Variants in FAAH2 observed in about 807,000 individuals in gnomAD.
The protein encoded by FAAH2 is fatty acid amide hydrolase 2.
A neutral mutation model predicts 36.9 loss-of-function variants in FAAH2; 60 were observed. That is an observed-to-expected ratio of 1.63 (90% CI 1.32 to 2.02). The LOEUF (loss-of-function observed/expected upper bound fraction) is 2.02. Among genes scored for constraint, FAAH2 ranks in the 30% most tolerant of loss-of-function variants. The pLI, the probability that FAAH2 is intolerant of heterozygous loss-of-function variation, is 0.00. For missense variants in FAAH2, 689 were observed against 397.5 expected (o/e 1.73, Z -6.23); for synonymous variants, 214 against 143.8 (o/e 1.49, Z -3.49).
At chrX:57,338,669 A>C (rs1388884765) in intron 4 of FAAH2, among the ~76,000 whole-genome samples, 4 of 111,339 alleles carry the variant, frequency 3.6e-5, no homozygotes, top group Admixed American at 1.9e-4. Flanking sequence ...AATTGCTACA[A>C]AAGAATACGA....
At chrX:57,250,166 C>A in the FAAH2 span, among the ~76,000 whole-genome samples, 50 of 112,016 alleles carry the variant, frequency 4.5e-4, no homozygotes, top group Middle Eastern at 4.6e-3. Context: ...TAATTGTGAG[C>A]AATTTATTGT....
At chrX:57,191,972 T>C in the FAAH2 span, among the ~76,000 whole-genome samples, 1 of 111,756 alleles carries the variant, frequency 8.9e-6, no homozygotes, top group Non-Finnish European at 1.9e-5. Flanking sequence ...TGTGGTTCCA[T>C]ATAAATTCTA....
chrX:57,293,804 T>A (rs1446528986), intron 2 of FAAH2, among the ~76,000 whole-genome samples: 4 of 110,446 alleles, frequency 3.6e-5, no homozygotes, highest in African/African-American at 1.3e-4. Flanking sequence ...AAATAATGAG[T>A]TTGGGCTACT....
chrX:57,321,186 T>C (rs960260529), intron 3 of FAAH2, among the ~76,000 whole-genome samples: 1 of 108,711 alleles, frequency 9.2e-6, no homozygotes, highest in African/African-American at 3.4e-5. Context: ...TGCAGGGACA[T>C]GGATGAAGCT....
chrX:57,375,353 CT>C (rs202228022), intron 5 of FAAH2, among the ~76,000 whole-genome samples: 1,272 of 65,174 alleles, frequency 0.02, 11 homozygotes, highest in Non-Finnish European at 0.024. Context: ...TGGTACTGCA[CT>C]TTTTTTTTTT....
chrX:57,385,835 G>T (rs991005746), intron 7 of FAAH2, among the ~76,000 whole-genome samples: 6 of 109,035 alleles, frequency 5.5e-5, no homozygotes, highest in Non-Finnish European at 9.5e-5. Context: ...GTCAACCCGG[G>T]AGGCGGAGCT....
chrX:57,168,155 T>A, the FAAH2 span, among the ~76,000 whole-genome samples: 1 of 111,748 alleles, frequency 8.9e-6, no homozygotes. Context: ...TACTTGCTTT[T>A]TTTAATTTTT....
chrX:57,457,934 T>A (rs1382821260), intron 10 of FAAH2, among the ~76,000 whole-genome samples: 2 of 111,698 alleles, frequency 1.8e-5, no homozygotes, highest in African/African-American at 3.3e-5. Flanking sequence ...TTTACAAAAT[T>A]TGACAAAATT....
the FAAH2 span, among the ~76,000 whole-genome samples, chrX:57,174,202 G>C: frequency 9.2e-6 from 1 of 108,522 alleles, no homozygotes. Flanking sequence ...AATCTCTCTA[G>C]CCCCGAGATT....
intron 8 of FAAH2, among the ~76,000 whole-genome samples, chrX:57,445,978 G>T (rs1156343178): frequency 2.7e-5 from 3 of 112,552 alleles, no homozygotes; most frequent in Non-Finnish European, 5.6e-5. Context: ...GGTGGAGCCA[G>T]CCAGGACTGG....
chrX:57,286,595 CACTAACG>C (rs2051813603), upstream of FAAH2: 4 of 300,867 alleles, frequency 1.3e-5, no homozygotes, highest in African/African-American at 2.8e-5. Context: ...GTTACAACAG[CACTAACG>C]ACAGGTAGCA....
chrX:57,150,039 G>C, the FAAH2 span, among the ~76,000 whole-genome samples: 1 of 112,000 alleles, frequency 8.9e-6, no homozygotes, highest in Non-Finnish European at 1.9e-5. Context: ...TTCAGGAGCA[G>C]GTTGTTCAGT....
the FAAH2 span, among the ~76,000 whole-genome samples, chrX:57,236,461 G>C: frequency 8.9e-6 from 1 of 112,285 alleles, no homozygotes. Flanking sequence ...CCTAGCAGTA[G>C]TGTACAATAG....
chrX:57,436,459 G>T (rs900939353), intron 8 of FAAH2, among the ~76,000 whole-genome samples: 6 of 109,685 alleles, frequency 5.5e-5, no homozygotes, highest in African/African-American at 1.3e-4. Context: ...CTTAAAAAAG[G>T]TAAACAAAAT....
At chrX:57,478,700 A>G (rs1379772747) in intron 10 of FAAH2, among the ~76,000 whole-genome samples, 2 of 111,708 alleles carry the variant, frequency 1.8e-5, no homozygotes. Context: ...TCAGTTTTCT[A>G]CATATGGCTA....
chrX:57,388,454 T>C (rs1056212791), intron 7 of FAAH2, among the ~76,000 whole-genome samples: 1 of 111,420 alleles, frequency 9.0e-6, no homozygotes, highest in Non-Finnish European at 1.9e-5. Flanking sequence ...GCCAAGGCCT[T>C]GTGTGCTGTT....
the FAAH2 span, among the ~76,000 whole-genome samples, chrX:57,202,007 T>A: frequency 1.8e-5 from 2 of 112,197 alleles, no homozygotes; most frequent in Non-Finnish European, 3.8e-5. Flanking sequence ...AATCTCTTTG[T>A]TAAGTTTTTC....
At chrX:57,360,171 T>C (rs1037152544) in intron 5 of FAAH2, among the ~76,000 whole-genome samples, 8 of 110,577 alleles carry the variant, frequency 7.2e-5, no homozygotes, top group Non-Finnish European at 1.3e-4. Flanking sequence ...ATGAGTCTGC[T>C]TGGGTTTATC....
chrX:57,249,286 T>C, the FAAH2 span, among the ~76,000 whole-genome samples: 1 of 111,920 alleles, frequency 8.9e-6, no homozygotes, highest in African/African-American at 3.2e-5. Flanking sequence ...CATTAAAGAA[T>C]TGGAGAAACT....
Sources: gnomAD v4.1 joint callset for allele counts (sites outside exome capture counted in the v4.1 genomes callset) on GRCh38, gnomAD v4.1.1 for gene constraint, MANE v1.5 for transcripts, NCBI Gene and HGNC (gene_info 2026-07-23, HGNC 2026-07-21) for gene names.